PPP2R5D: variants seen among roughly 807,000 people sequenced by gnomAD.
PPP2R5D encodes protein phosphatase 2 regulatory subunit B'delta, also known as serine/threonine-protein phosphatase 2A 56 kDa regulatory subunit delta isoform.
A neutral mutation model predicts 79.1 loss-of-function variants in PPP2R5D; 12 were observed. The ratio of observed to expected loss-of-function variants is 0.15; its 90% CI spans 0.10 to 0.25. The LOEUF (loss-of-function observed/expected upper bound fraction) is 0.25. PPP2R5D is among the 10% of genes least tolerant of loss of function. PPP2R5D has a pLI of 1.00. For synonymous variants in PPP2R5D, 277 were observed against 286.6 expected, an observed-to-expected ratio of 0.97 and a Z score of 0.34; for missense variants, 419 against 760.2, an observed-to-expected ratio of 0.55 and a Z score of 5.28.
Position 43,010,856 on chromosome 6 carries a change from C to T in PPP2R5D, c.1555-25C>T, listed in dbSNP as rs772701527. On this transcript the variant is annotated intron_variant, in intron 14 of 15. Coordinates refer to ENST00000485511, the MANE Select transcript of PPP2R5D (RefSeq NM_006245.4). This position sits in a 1 kb window ranked among gnomAD's most constrained non-coding sequence, Gnocchi z 4.7. ...CCCAAGCCTCTGAAGTGGCTCTTAACGCTTGTCCATGTCTCCTCACTCAGT... is the reference window on the plus strand; with the variant it reads ...CCCAAGCCTCTGAAGTGGCTCTTAATGCTTGTCCATGTCTCCTCACTCAGT... The T allele has an allele frequency of 1.2e-5, 19 of 1,607,230 alleles. No individual in the cohort carries two copies. The highest frequency in any genetic ancestry group is 9.9e-5 in the South Asian group (9 of 90,790).
At position 43,008,160 on chromosome 6, in the gene PPP2R5D, G is replaced by T. The variant is rs748021500; in HGVS notation, c.858-41G>T. 2 of 1,613,654 alleles carry T rather than the reference G, an allele frequency of 1.2e-6. No individual in the cohort carries two copies. Among genetic ancestry groups the T allele is most frequent in the African/African-American group, 2.7e-5 (2 of 74,798 alleles). ...GGGGGACTGTACAGAATGCTGGAGGGACATCAGGGGTTGTCAAGAGAGCCA... is the reference window on the plus strand; with the variant it reads ...GGGGGACTGTACAGAATGCTGGAGGTACATCAGGGGTTGTCAAGAGAGCCA... On this transcript the variant is annotated intron_variant, in intron 7 of 15. Coordinates refer to ENST00000485511, the MANE Select transcript of PPP2R5D (RefSeq NM_006245.4). This position sits in a 1 kb window ranked among gnomAD's most constrained non-coding sequence, Gnocchi z 4.2.
At chr6:42,998,044 T>TATATATAC (rs1561843917) in intron 2 of PPP2R5D, among the ~76,000 whole-genome samples, 3 of 29,262 alleles carry the variant, frequency 1.0e-4, no homozygotes, top group African/African-American at 2.8e-4. Flanking sequence ...TATATATATA[T>TATATATAC]ATATATATAT....
In PPP2R5D at chr6:43,008,912, C is replaced by A; in HGVS notation, c.1081-145C>A. The A allele has an allele frequency of 1.6e-6, 2 of 1,244,320 alleles. No individual in the cohort carries two copies. The highest frequency in any genetic ancestry group is 2.3e-6 in the Non-Finnish European group (2 of 884,768). The allele number at this position is 1,244,320 out of a possible 1,614,324, so 77.1% of individuals were successfully genotyped here. A position where few individuals can be genotyped will look rare whatever the true frequency, so the allele number is the denominator to read the frequency against. On this transcript the variant is annotated intron_variant, in intron 10 of 15. Transcript: ENST00000485511. The surrounding 1 kb of genome is among the most constrained non-coding windows in gnomAD (Gnocchi z 4.2). ...GCAAAACCTATATACACCTAGGAAA[C>A]AGATCCAAGGCAAAGAAACGGGTAG... is the stretch of plus-strand genomic sequence containing the variant.
intron 2 of PPP2R5D, among the ~76,000 whole-genome samples, chr6:43,001,935 CA>C (rs200486132): frequency 0.23 from 28,418 of 125,440 alleles, 4,097 homozygotes; most frequent in African/African-American, 0.43. Context: ...GACTCTGTCT[CA>C]AAAAAAAAAA....
chr6:42,997,486 C>G (rs1458957065), intron 2 of PPP2R5D, among the ~76,000 whole-genome samples: 1 of 149,728 alleles, frequency 6.7e-6, no homozygotes, highest in East Asian at 2.0e-4. Context: ...GCCACTGTGC[C>G]TGGCCGTTTT....
intron 1 of PPP2R5D, 64 bp downstream of exon 1, chr6:42,984,768 G>A (rs1770699022): frequency 1.9e-6 from 3 of 1,605,292 alleles, no homozygotes; most frequent in Admixed American, 1.7e-5. Flanking sequence ...GGGAGGGGCC[G>A]GAGCCAGGCC....
intron 2 of PPP2R5D, 85 bp downstream of exon 2, chr6:42,989,773 G>A (rs971621123): frequency 6.3e-5 from 85 of 1,342,304 alleles, no homozygotes; most frequent in Non-Finnish European, 8.0e-5. Flanking sequence ...GATCCCAGGG[G>A]GTGAGGCAGA....
At chr6:42,991,800 CTA>C (rs1771281470) in intron 2 of PPP2R5D, among the ~76,000 whole-genome samples, 1 of 152,156 alleles carries the variant, frequency 6.6e-6, no homozygotes, top group South Asian at 2.1e-4. Flanking sequence ...AGACCAACTG[CTA>C]TGATTTATCC....
rs1373365551 is a variant in PPP2R5D, at chr6:43,006,082, TTCC to T, written c.106-378_106-376del. 6.6e-6 allele frequency among the ~76,000 whole-genome samples: 1 copy of T among 152,204 alleles called. No homozygotes were observed. Among genetic ancestry groups the T allele is most frequent in the Non-Finnish European group, 1.5e-5 (1 of 68,032 alleles). ...AGAAGGCTCCTCATGTCTCTTCTTA[TTCC>T]TCATGTGTCTTCTTATTCATCATGT... On this transcript the variant is annotated intron_variant, in intron 2 of 15. Transcript: ENST00000485511. This position sits in a 1 kb window ranked among gnomAD's most constrained non-coding sequence, Gnocchi z 4.7.
chr6:42,993,297 CAA>C (rs61441206), intron 2 of PPP2R5D, among the ~76,000 whole-genome samples: 19 of 130,856 alleles, frequency 1.5e-4, no homozygotes, highest in South Asian at 5.0e-4. Flanking sequence ...AACTCCGTCT[CAA>C]AAAAAAAAAA....
intron 2 of PPP2R5D, among the ~76,000 whole-genome samples, chr6:43,005,905 AGCC>A (rs1308923502): frequency 1.3e-5 from 2 of 152,126 alleles, no homozygotes; most frequent in Non-Finnish European, 2.9e-5. Flanking sequence ...TACAAGTGTG[AGCC>A]ACTGCGCCCG....
At chr6:43,000,836 T>C (rs903797559) in intron 2 of PPP2R5D, among the ~76,000 whole-genome samples, 3 of 152,218 alleles carry the variant, frequency 2.0e-5, no homozygotes, top group African/African-American at 7.2e-5. Context: ...CCTGAGAGCT[T>C]TGGCTCCTGG....
Position 43,010,514 on chromosome 6 carries a change from A to G in PPP2R5D, c.1426A>G (p.Met476Val). ...TAATGCCCTGAAGTTGTTTATGGAA[A>G]TGAATCAGAAGCTGTTTGATGACTG... ...IYNALKLFME[M>V]NQKLFDDCTQ... Residue 476 changes from methionine to valine, a missense_variant, in exon 13 of 16, where the codon ATG becomes GTG. This residue lies in a region of PPP2R5D where 196 missense variants were observed against 424.5 expected (regional missense o/e 0.46). Coordinates refer to ENST00000485511, the MANE Select transcript of PPP2R5D (RefSeq NM_006245.4). The surrounding 1 kb of genome is among the most constrained non-coding windows in gnomAD (Gnocchi z 4.7). The G allele has an allele frequency of 6.2e-7, 1 of 1,614,126 alleles. No homozygotes were observed. Among genetic ancestry groups the G allele is most frequent in the Non-Finnish European group, 8.5e-7 (1 of 1,180,026 alleles).
In PPP2R5D at chr6:43,010,610, C is replaced by A; in HGVS notation, c.1481+41C>A. 1 of 1,612,690 alleles carries A rather than the reference C, an allele frequency of 6.2e-7. No individual in the cohort carries two copies. The highest frequency in any genetic ancestry group is 1.1e-5 in the South Asian group (1 of 91,048). On this transcript the variant is annotated intron_variant, in intron 13 of 15. Transcript: ENST00000485511. The surrounding 1 kb of genome is among the most constrained non-coding windows in gnomAD (Gnocchi z 4.7). Reference sequence around the variant, plus strand: ...CCCGGGAGACTTTCATCTTCTACCACCAGCTCACTGTGTTTCTCTCAAGCC... The same window carrying A: ...CCCGGGAGACTTTCATCTTCTACCAACAGCTCACTGTGTTTCTCTCAAGCC...
intron 2 of PPP2R5D, among the ~76,000 whole-genome samples, chr6:42,999,725 C>G (rs796945881): frequency 7.2e-5 from 11 of 151,968 alleles, no homozygotes; most frequent in African/African-American, 2.4e-4. Context: ...ACCATCACGC[C>G]TGGCTAATTT....
intron 2 of PPP2R5D, among the ~76,000 whole-genome samples, chr6:42,995,108 C>T (rs1771550803): frequency 1.4e-5 from 2 of 145,306 alleles, no homozygotes; most frequent in South Asian, 4.4e-4. Flanking sequence ...CCTTTGTGTC[C>T]CACCGAACTT....
chr6:42,994,045 G>A (rs942375553), intron 2 of PPP2R5D, among the ~76,000 whole-genome samples: 2 of 152,124 alleles, frequency 1.3e-5, no homozygotes, highest in African/African-American at 4.8e-5. Context: ...AGTGGCTCAC[G>A]CCTGTAATCC....
At position 43,008,617 on chromosome 6, in the gene PPP2R5D, C is replaced by G; in HGVS notation, c.1027-76C>G. The G allele has an allele frequency of 6.5e-7, 1 of 1,536,366 alleles. No homozygotes were observed. The highest frequency in any genetic ancestry group is 2.3e-5 in the East Asian group (1 of 44,380). On this transcript the variant is annotated intron_variant, in intron 9 of 15. Coordinates refer to ENST00000485511, the MANE Select transcript of PPP2R5D (RefSeq NM_006245.4). This position sits in a 1 kb window ranked among gnomAD's most constrained non-coding sequence, Gnocchi z 4.2. ...TCCATCTCCCCTTCCCTTCTGGGATCTTGTTTCTATCACTGACTTCTCTGA... is the reference window on the plus strand; with the variant it reads ...TCCATCTCCCCTTCCCTTCTGGGATGTTGTTTCTATCACTGACTTCTCTGA...
chr6:42,998,059 T>TA (rs1771917349), intron 2 of PPP2R5D, among the ~76,000 whole-genome samples: 3 of 15,646 alleles, frequency 1.9e-4, no homozygotes, highest in Non-Finnish European at 3.5e-4. Context: ...ATATATATAT[T>TA]TTTTTTTTTT....
Sources: allele counts gnomAD v4.1 joint callset (sites outside exome capture counted in the v4.1 genomes callset), GRCh38; gene constraint gnomAD v4.1.1; regional missense constraint gnomAD v4.1.1; non-coding constraint Gnocchi (gnomAD v3.1); transcripts MANE v1.5; gene names NCBI Gene and HGNC (gene_info 2026-07-23, HGNC 2026-07-21).